Variants in METTL24 observed in about 807,000 individuals in gnomAD.
METTL24 encodes the protein probable methyltransferase-like protein 24.
A neutral mutation model predicts 32.7 loss-of-function variants in METTL24; 29 were observed. The ratio of observed to expected loss-of-function variants is 0.89; its 90% CI spans 0.66 to 1.21. The LOEUF is 1.21. Ranked by LOEUF, METTL24 falls within the 50% of genes most tolerant of loss-of-function variation. The pLI, the probability that METTL24 is intolerant of heterozygous loss-of-function variation, is 0.00. For missense variants in METTL24, 439 were observed against 468.1 expected (o/e 0.94, Z 0.57); for synonymous variants, 163 against 179.5 (o/e 0.91, Z 0.73).
chr6:110,297,584 T>C (rs1359676439), intron 4 of METTL24, among the ~76,000 whole-genome samples: 2 of 152,116 alleles, frequency 1.3e-5, no homozygotes. Flanking sequence ...GTTGACATAT[T>C]AGAGAATTAG....
At chr6:110,343,191 A>G (rs899907171) in intron 1 of METTL24, among the ~76,000 whole-genome samples, 1 of 152,252 alleles carries the variant, frequency 6.6e-6, no homozygotes, top group African/African-American at 2.4e-5. Flanking sequence ...CAAAAGCCAA[A>G]GGAGAAAATG....
At chr6:110,303,724 G>A (rs993258107) in intron 3 of METTL24, among the ~76,000 whole-genome samples, 8 of 152,194 alleles carry the variant, frequency 5.3e-5, no homozygotes, top group African/African-American at 1.7e-4. Context: ...GGGAAGGGGC[G>A]GCTGCGGGTG....
intron 4 of METTL24, among the ~76,000 whole-genome samples, chr6:110,256,455 G>C (rs1778386312): frequency 6.6e-6 from 1 of 152,168 alleles, no homozygotes; most frequent in African/African-American, 2.4e-5. Context: ...GGTCACTCTT[G>C]TGTTGATCTT....
chr6:110,326,079 G>A (rs1002542766), intron 1 of METTL24, among the ~76,000 whole-genome samples: 3 of 152,106 alleles, frequency 2.0e-5, no homozygotes, highest in Admixed American at 6.5e-5. Flanking sequence ...TTCCTCTTCC[G>A]CAAGGCAGGT....
At chr6:110,298,894 A>C (rs1771469775) in intron 4 of METTL24, 28 bp downstream of exon 4, 1 of 1,589,056 alleles carries the variant, frequency 6.3e-7, no homozygotes, top group African/African-American at 1.3e-5. Flanking sequence ...TACTTTATTC[A>C]AGTATAAAAT....
At chr6:110,307,072 G>A (rs1347264140) in intron 3 of METTL24, among the ~76,000 whole-genome samples, 3 of 152,176 alleles carry the variant, frequency 2.0e-5, no homozygotes, top group African/African-American at 7.2e-5. Context: ...AAACTATGAG[G>A]CAGGGGCTGG....
intron 3 of METTL24, among the ~76,000 whole-genome samples, chr6:110,309,038 A>G (rs1365707074): frequency 6.6e-6 from 1 of 152,220 alleles, no homozygotes; most frequent in Non-Finnish European, 1.5e-5. Flanking sequence ...AAAATGTTCT[A>G]AAATTGACTA....
intron 4 of METTL24, among the ~76,000 whole-genome samples, chr6:110,248,457 A>G (rs906699575): frequency 3.3e-5 from 5 of 152,224 alleles, no homozygotes; most frequent in Non-Finnish European, 5.9e-5. Flanking sequence ...AGTGATGGTA[A>G]TACCCGAAGA....
intron 2 of METTL24, among the ~76,000 whole-genome samples, chr6:110,319,307 C>T (rs1027422367): frequency 1.3e-5 from 2 of 151,594 alleles, no homozygotes; most frequent in African/African-American, 4.9e-5. Context: ...GCAGTAAATA[C>T]AACAGATACT....
At chr6:110,355,774 T>A (rs1055862701) in intron 1 of METTL24, among the ~76,000 whole-genome samples, 3 of 152,150 alleles carry the variant, frequency 2.0e-5, no homozygotes, top group African/African-American at 7.2e-5. Context: ...CTCCTCCTCA[T>A]CCACCTTCCA....
intron 4 of METTL24, among the ~76,000 whole-genome samples, chr6:110,256,507 A>C (rs1392760080): frequency 6.6e-6 from 1 of 152,154 alleles, no homozygotes; most frequent in African/African-American, 2.4e-5. Flanking sequence ...TAGGGCAGGA[A>C]TCTAACTCCT....
intron 4 of METTL24, among the ~76,000 whole-genome samples, chr6:110,263,113 T>C (rs1373833667): frequency 6.6e-6 from 1 of 152,220 alleles, no homozygotes; most frequent in Non-Finnish European, 1.5e-5. Context: ...TTGGAAGTTC[T>C]GGCCAGGGCA....
intron 3 of METTL24, among the ~76,000 whole-genome samples, chr6:110,311,758 G>A (rs543037264): frequency 2.0e-5 from 3 of 152,252 alleles, no homozygotes; most frequent in East Asian, 3.9e-4. Flanking sequence ...GAGCATGTGG[G>A]CTTGAGCAGT....
At chr6:110,282,119 A>T (rs746151697) in intron 4 of METTL24, among the ~76,000 whole-genome samples, 5 of 152,258 alleles carry the variant, frequency 3.3e-5, no homozygotes, top group Non-Finnish European at 7.4e-5. Flanking sequence ...GAGAAAGATG[A>T]GTCCCAAGGG....
intron 1 of METTL24, among the ~76,000 whole-genome samples, chr6:110,334,610 G>A (rs923974646): frequency 6.6e-6 from 1 of 152,168 alleles, no homozygotes; most frequent in African/African-American, 2.4e-5. Context: ...GGGGGATGGG[G>A]GAGAGCAAAG....
intron 1 of METTL24, chr6:110,357,344 T>C (rs983393558): frequency 1.3e-5 from 2 of 152,230 alleles, no homozygotes; most frequent in Non-Finnish European, 2.9e-5. Context: ...ACTTGGGTCC[T>C]CGAGGATCCA....
At chr6:110,336,638 G>C (rs1340248438) in intron 1 of METTL24, among the ~76,000 whole-genome samples, 1 of 151,994 alleles carries the variant, frequency 6.6e-6, no homozygotes, top group Non-Finnish European at 1.5e-5. Flanking sequence ...TACTTGGGAG[G>C]CTGAGGCAGA....
chr6:110,278,294 C>T (rs894079106), intron 4 of METTL24, among the ~76,000 whole-genome samples: 2 of 152,210 alleles, frequency 1.3e-5, no homozygotes, highest in African/African-American at 4.8e-5. Flanking sequence ...GGCTTCTCTA[C>T]ACATGATCAC....
rs140088823 is a variant in METTL24 at position 110,296,688 on chromosome 6, G to T, written c.786+2234C>A. On this transcript the variant is annotated intron_variant, in intron 4 of 4. Transcript: ENST00000338882. ...GGGAAATTACTACAAAACTATATGA[G>T]ATATTTTAAAGTTCTGAAATAAAAC... 1.7e-3 allele frequency among the ~76,000 whole-genome samples: 254 copies of T among 152,274 alleles called. 2 individuals are homozygous for T. Among genetic ancestry groups the T allele is most frequent in the African/African-American group, 5.9e-3 (246 of 41,548 alleles).
Sources: gnomAD v4.1 joint callset for allele counts (sites outside exome capture counted in the v4.1 genomes callset) on GRCh38, gnomAD v4.1.1 for gene constraint, MANE v1.5 for transcripts, NCBI Gene and HGNC (gene_info 2026-07-23, HGNC 2026-07-21) for gene names.